Variants in PRELID2 observed in about 807,000 individuals in gnomAD.
PRELID2 encodes PRELI domain-containing protein 2.
A neutral mutation model predicts 28.4 loss-of-function variants in PRELID2; 25 were observed. The ratio of observed to expected loss-of-function variants is 0.88; its 90% CI spans 0.64 to 1.23. The LOEUF (loss-of-function observed/expected upper bound fraction) is 1.23. Among genes scored for constraint, PRELID2 ranks in the 50% most tolerant of loss-of-function variants. PRELID2 has a pLI of 0.00. For synonymous variants in PRELID2, 76 were observed against 71.6 expected, an observed-to-expected ratio of 1.06 and a Z score of -0.31; for missense variants, 201 against 214.4, an observed-to-expected ratio of 0.94 and a Z score of 0.39.
At chr5:145,389,940 G>T in the PRELID2 span, among the ~76,000 whole-genome samples, 3 of 152,176 alleles carry the variant, frequency 2.0e-5, no homozygotes, top group Non-Finnish European at 4.4e-5. Flanking sequence ...GTGGGAAGAA[G>T]TTATATAGTT....
Position 145,542,749 on chromosome 5 carries a change from A to ATTTCTTTCTTTCTTTCTTTCTTTC in PRELID2, n.71-69458_71-69435dup, listed in dbSNP as rs5871930. 5.0e-3 allele frequency among the ~76,000 whole-genome samples: 727 copies of ATTTCTTTCTTTCTTTCTTTCTTTC among 145,296 alleles called. 3 individuals carry two copies. Among genetic ancestry groups the ATTTCTTTCTTTCTTTCTTTCTTTC allele is most frequent in the Middle Eastern group, 7.0e-3 (2 of 286 alleles). On this transcript the variant is annotated intron_variant and non_coding_transcript_variant, in intron 1 of 2. Transcript: ENST00000510259. ...TTATAAATGATAAATATACATTGTA[A>ATTTCTTTCTTTCTTTCTTTCTTTC]TTTCTTTCTTTCTTTCTTTCTTTCT...
intron 1 of PRELID2, among the ~76,000 whole-genome samples, chr5:145,504,740 A>C (rs2126636598): frequency 6.6e-6 from 1 of 152,304 alleles, no homozygotes; most frequent in African/African-American, 2.4e-5. Flanking sequence ...TTCATAGAAG[A>C]GGCAGCTCTC....
At chr5:145,649,814 T>C (rs1025124584) in intron 1 of PRELID2, among the ~76,000 whole-genome samples, 2 of 152,238 alleles carry the variant, frequency 1.3e-5, no homozygotes, top group African/African-American at 4.8e-5. Flanking sequence ...AACGTATTAA[T>C]TGCAATTGTT....
At chr5:145,704,491 A>G (rs1412514750) in intron 1 of PRELID2, among the ~76,000 whole-genome samples, 3 of 152,222 alleles carry the variant, frequency 2.0e-5, no homozygotes, top group East Asian at 3.8e-4. Context: ...CTGCATACTC[A>G]TATTTGACAA....
At chr5:145,786,829 C>T (rs746022776) in intron 5 of PRELID2, among the ~76,000 whole-genome samples, 1 of 152,196 alleles carries the variant, frequency 6.6e-6, no homozygotes, top group African/African-American at 2.4e-5. Flanking sequence ...TTATCTCCCA[C>T]TACTAAAATG....
At chr5:145,699,802 C>A (rs1350896541) in intron 1 of PRELID2, among the ~76,000 whole-genome samples, 1 of 152,158 alleles carries the variant, frequency 6.6e-6, no homozygotes, top group Non-Finnish European at 1.5e-5. Context: ...GCACAAATTT[C>A]TTTTCTGGAA....
the PRELID2 span, among the ~76,000 whole-genome samples, chr5:145,404,289 C>A: frequency 1.3e-5 from 2 of 152,172 alleles, no homozygotes; most frequent in South Asian, 2.1e-4. Flanking sequence ...CTCTGTGCAC[C>A]TCCATTAGCT....
At chr5:145,247,138 C>G in the PRELID2 span, among the ~76,000 whole-genome samples, 1 of 152,136 alleles carries the variant, frequency 6.6e-6, no homozygotes, top group Non-Finnish European at 1.5e-5. Flanking sequence ...TAATCTGACT[C>G]AACCAGTTCT....
At chr5:145,474,202 G>A (rs868865864) in intron 1 of PRELID2, among the ~76,000 whole-genome samples, 1 of 152,158 alleles carries the variant, frequency 6.6e-6, no homozygotes, top group Non-Finnish European at 1.5e-5. Flanking sequence ...CAAGATCAGA[G>A]GATCCAGAAA....
intron 1 of PRELID2, among the ~76,000 whole-genome samples, chr5:145,572,158 C>A (rs1012379584): frequency 2.6e-5 from 4 of 152,130 alleles, no homozygotes; most frequent in Admixed American, 6.5e-5. Flanking sequence ...GTTGAAAAAA[C>A]CAATTGCCAA....
chr5:145,796,557 A>T lies in PRELID2; in HGVS notation c.369-10T>A. On this transcript the variant is annotated splice_polypyrimidine_tract_variant and intron_variant, in intron 4 of 6. Coordinates refer to ENST00000683046, the MANE Select transcript of PRELID2 (RefSeq NM_205846.3). ...TTGAATGAACTCTGTCCTGCAAAAA[A>T]AACAAAAAACACATCTTTGATGTCA... is the stretch of plus-strand genomic sequence containing the variant. 1 of 1,552,010 alleles carries T rather than the reference A, an allele frequency of 6.4e-7. No homozygotes were observed. The highest frequency in any genetic ancestry group is 1.2e-5 in the South Asian group (1 of 85,204).
intron 1 of PRELID2, among the ~76,000 whole-genome samples, chr5:145,670,793 G>A (rs1447622933): frequency 2.0e-5 from 3 of 152,134 alleles, no homozygotes; most frequent in Non-Finnish European, 4.4e-5. Context: ...GATGCATGGT[G>A]TAGCCTGATC....
At chr5:145,817,439 A>ATATATATATATATATATC (rs1754441812) in intron 4 of PRELID2, among the ~76,000 whole-genome samples, 2 of 139,832 alleles carry the variant, frequency 1.4e-5, no homozygotes, top group Admixed American at 7.3e-5. Flanking sequence ...ATATATATAT[A>ATATATATATATATATATC]TATATATATC....
chr5:145,776,887 T>C (rs1758443176), intron 5 of PRELID2, among the ~76,000 whole-genome samples: 1 of 152,366 alleles, frequency 6.6e-6, no homozygotes, highest in African/African-American at 2.4e-5. Context: ...GTTCCAAATC[T>C]ACCATCTGTC....
chr5:145,534,731 G>T, intron 1 of PRELID2, among the ~76,000 whole-genome samples: 1 of 151,742 alleles, frequency 6.6e-6, no homozygotes, highest in South Asian at 2.1e-4. Context: ...TTTTTTCTGT[G>T]CTCACAGTGT....
the PRELID2 span, among the ~76,000 whole-genome samples, chr5:145,389,647 C>T: frequency 4.6e-5 from 7 of 152,132 alleles, no homozygotes; most frequent in East Asian, 7.7e-4. Context: ...AATTAAAACT[C>T]GTGGGAGTTG....
intron 5 of PRELID2, among the ~76,000 whole-genome samples, chr5:145,765,356 T>TAG (rs1405862426): frequency 2.0e-5 from 3 of 152,182 alleles, no homozygotes. Flanking sequence ...ACAAATATGC[T>TAG]AGATTCACTG....
chr5:145,521,966 C>T (rs867327959), intron 1 of PRELID2, among the ~76,000 whole-genome samples: 1 of 152,140 alleles, frequency 6.6e-6, no homozygotes, highest in South Asian at 2.1e-4. Flanking sequence ...CTAATACAGC[C>T]TGTTTCTCTA....
intron 1 of PRELID2, among the ~76,000 whole-genome samples, chr5:145,574,668 C>T (rs1753045485): frequency 1.3e-5 from 2 of 152,328 alleles, no homozygotes; most frequent in South Asian, 4.1e-4. Flanking sequence ...TCATGCTATA[C>T]ATTCATCCCT....
Sources: gnomAD v4.1 joint callset for allele counts (sites outside exome capture counted in the v4.1 genomes callset) on GRCh38, gnomAD v4.1.1 for gene constraint, MANE v1.5 for transcripts, NCBI Gene and HGNC (gene_info 2026-07-23, HGNC 2026-07-21) for gene names.